MCTP1: variants seen among roughly 807,000 people sequenced by gnomAD.
MCTP1 encodes multiple C2 and transmembrane domain containing 1.
Under a neutral mutation model 120.6 loss-of-function variants are expected in MCTP1, and 69 were observed. That is an observed-to-expected ratio of 0.57 (90% CI 0.47 to 0.70). The LOEUF is 0.70. Among genes scored for constraint, MCTP1 ranks in the 30% least tolerant of loss-of-function variants. The pLI is 0.00. For missense variants in MCTP1, 1,203 were observed against 1,248.8 expected (o/e 0.96, Z 0.55); for synonymous variants, 529 against 493.1 (o/e 1.07, Z -0.96).
intron 1 of MCTP1, among the ~76,000 whole-genome samples, chr5:95,282,783 G>A (rs1489800399): frequency 6.6e-6 from 1 of 152,182 alleles, no homozygotes; most frequent in Non-Finnish European, 1.5e-5. Context: ...TAAGAAATCA[G>A]TCCATGAACT....
chr5:94,713,974 G>A (rs1407624853), intron 20 of MCTP1, among the ~76,000 whole-genome samples: 1 of 152,016 alleles, frequency 6.6e-6, no homozygotes, highest in Non-Finnish European at 1.5e-5. Flanking sequence ...TCCAGAATTT[G>A]GCACCCCTTC....
At chr5:95,089,999 G>A (rs1755720530) in intron 1 of MCTP1, among the ~76,000 whole-genome samples, 1 of 151,942 alleles carries the variant, frequency 6.6e-6, no homozygotes, top group African/African-American at 2.4e-5. Flanking sequence ...CTCTCCCCAG[G>A]GCCCCATCTG....
Position 94,861,713 on chromosome 5 carries a change from A to C in MCTP1, c.2436+6620T>G, listed in dbSNP as rs181289999. 2.1e-3 allele frequency among the ~76,000 whole-genome samples: 325 copies of C among 151,998 alleles called. 1 individual carries two copies. The highest frequency in any genetic ancestry group is 7.7e-3 in the African/African-American group (318 of 41,526). On this transcript the variant is annotated intron_variant, in intron 17 of 22. Coordinates refer to ENST00000515393, the MANE Select transcript of MCTP1 (RefSeq NM_024717.7). ...ACAATTGCAAAGTAGAAAATCCTTC[A>C]GAAGACAAGAACATTGGTTTAGGAA...
chr5:95,281,409 G>A (rs1760302674), intron 1 of MCTP1, among the ~76,000 whole-genome samples: 1 of 152,138 alleles, frequency 6.6e-6, no homozygotes, highest in Non-Finnish European at 1.5e-5. Flanking sequence ...GTATTTCCAG[G>A]ACTGAGAAAT....
At chr5:94,888,042 T>A in intron 12 of MCTP1, among the ~76,000 whole-genome samples, 1 of 137,514 alleles carries the variant, frequency 7.3e-6, no homozygotes, top group South Asian at 2.5e-4. Context: ...GATAAGTTGA[T>A]ATTTTCTTTC....
chr5:95,219,845 C>T (rs1016502755), intron 1 of MCTP1, among the ~76,000 whole-genome samples: 1 of 152,096 alleles, frequency 6.6e-6, no homozygotes. Flanking sequence ...GAAATAAATA[C>T]TAAGCTACTA....
At chr5:95,145,187 G>A (rs1760278619) in intron 1 of MCTP1, among the ~76,000 whole-genome samples, 1 of 152,020 alleles carries the variant, frequency 6.6e-6, no homozygotes, top group South Asian at 2.1e-4. Context: ...TCTTGATTTG[G>A]CTCAGAGCTA....
intron 17 of MCTP1, among the ~76,000 whole-genome samples, chr5:94,827,295 C>G (rs571737407): frequency 1.2e-4 from 19 of 152,220 alleles, no homozygotes; most frequent in African/African-American, 4.6e-4. Flanking sequence ...TGAATATTGG[C>G]CCCCACTCTC....
At chr5:95,052,624 G>A (rs1395346452) in intron 1 of MCTP1, among the ~76,000 whole-genome samples, 2 of 152,080 alleles carry the variant, frequency 1.3e-5, no homozygotes, top group South Asian at 4.1e-4. Flanking sequence ...AGAGCCCCAT[G>A]CCTCTGATTG....
In MCTP1 at chr5:94,774,164, C is replaced by T. The variant is rs1393137827; in HGVS notation, c.2610+4946G>A. Among the ~76,000 whole-genome samples the T allele has an allele frequency of 6.7e-5, 6 of 89,632 alleles. 3 individuals carry two copies. Among genetic ancestry groups the T allele is most frequent in the South Asian group, 9.8e-4 (2 of 2,034 alleles). 58.8% of individuals were successfully genotyped at this position (89,632 alleles called of 152,430 possible). A position where few individuals can be genotyped will look rare whatever the true frequency, so the allele number is the denominator to read the frequency against. ...CGGAGCTTGCAGTGAGCCGAGATCC[C>T]GCCACTGCACTCCAGCCTGGGCGAC... On this transcript the variant is annotated intron_variant, in intron 19 of 22. Transcript: ENST00000515393.
intron 1 of MCTP1, among the ~76,000 whole-genome samples, chr5:95,205,460 A>G (rs1418254109): frequency 6.6e-6 from 1 of 152,180 alleles, no homozygotes; most frequent in African/African-American, 2.4e-5. Context: ...CACAAAAAGC[A>G]CAGCAAGAAA....
intron 2 of MCTP1, among the ~76,000 whole-genome samples, chr5:95,009,757 T>C (rs1358868340): frequency 1.3e-5 from 2 of 152,302 alleles, no homozygotes; most frequent in Admixed American, 6.5e-5. Flanking sequence ...TTTGAACTTA[T>C]GTGTGTCAGA....
intron 1 of MCTP1, among the ~76,000 whole-genome samples, chr5:95,029,777 T>C (rs1230646099): frequency 6.6e-6 from 1 of 152,210 alleles, no homozygotes; most frequent in African/African-American, 2.4e-5. Context: ...TGCACGAGTA[T>C]GGTTGCACTC....
intron 17 of MCTP1, among the ~76,000 whole-genome samples, chr5:94,839,803 C>T (rs1258981210): frequency 6.6e-6 from 1 of 152,108 alleles, no homozygotes; most frequent in African/African-American, 2.4e-5. Context: ...TTTTCTCTTC[C>T]ATGAAATGCT....
At chr5:95,224,981 G>C (rs1403994797) in intron 1 of MCTP1, among the ~76,000 whole-genome samples, 1 of 151,988 alleles carries the variant, frequency 6.6e-6, no homozygotes, top group Non-Finnish European at 1.5e-5. Flanking sequence ...GTTCCTGAAG[G>C]GTAATAAAGA....
intron 18 of MCTP1, among the ~76,000 whole-genome samples, chr5:94,788,452 C>T (rs1778208095): frequency 6.6e-6 from 1 of 152,142 alleles, no homozygotes; most frequent in Admixed American, 6.5e-5. Context: ...CAGATAAAGA[C>T]ATATCATTTG....
chr5:94,910,819 T>TTAATATATGTTATATATTATAGC (rs1808356176), intron 9 of MCTP1, among the ~76,000 whole-genome samples: 1 of 152,210 alleles, frequency 6.6e-6, no homozygotes, highest in African/African-American at 2.4e-5. Flanking sequence ...TATAGCTACT[T>TTAATATATGTTATATATTATAGC]TAATATAAGC....
intron 2 of MCTP1, among the ~76,000 whole-genome samples, chr5:94,987,408 G>A (rs181258518): frequency 2.6e-5 from 4 of 152,242 alleles, no homozygotes; most frequent in East Asian, 3.9e-4. Flanking sequence ...GCAAATGCTC[G>A]TGGAATTGAT....
intron 1 of MCTP1, among the ~76,000 whole-genome samples, chr5:95,279,315 T>A (rs1182862403): frequency 6.6e-6 from 1 of 152,196 alleles, no homozygotes; most frequent in Non-Finnish European, 1.5e-5. Flanking sequence ...TTTTTTTCCC[T>A]CAACATAACA....
Sources: gnomAD v4.1 joint callset for allele counts (sites outside exome capture counted in the v4.1 genomes callset) on GRCh38, gnomAD v4.1.1 for gene constraint, MANE v1.5 for transcripts, NCBI Gene and HGNC (gene_info 2026-07-23, HGNC 2026-07-21) for gene names.